Variants in COL5A2 observed in about 807,000 individuals in gnomAD.
The protein encoded by COL5A2 is collagen type V alpha 2 chain.
In COL5A2, 23 loss-of-function variants were observed where a neutral mutation model predicts 208.2. The ratio of observed to expected loss-of-function variants is 0.11; its 90% CI spans 0.08 to 0.16. COL5A2 has a LOEUF of 0.16. Among genes scored for constraint, COL5A2 ranks in the 10% least tolerant of loss-of-function variants. The pLI is 1.00. For synonymous variants in COL5A2, 625 were observed against 628.5 expected (o/e 0.99, Z 0.08); for missense variants, 1,590 against 1,956.4 (o/e 0.81, Z 3.53).
rs184961464 is a variant in COL5A2, at chr2:189,075,960, G to A, written c.1060-523C>T. 7.2e-5 allele frequency among the ~76,000 whole-genome samples: 11 copies of A among 152,236 alleles called. No homozygotes were observed. In the East Asian group the frequency reaches 2.1e-3, roughly 29 times the overall value. Reference sequence around the variant, plus strand: ...CCTAGGAATTGCCCTCAGCTAAAGGGAATTAGCTCTCTCAAGACTGTGCTC... The same window carrying A: ...CCTAGGAATTGCCCTCAGCTAAAGGAAATTAGCTCTCTCAAGACTGTGCTC... On this transcript the variant is annotated intron_variant, in intron 16 of 53. Coordinates refer to ENST00000374866, the MANE Select transcript of COL5A2 (RefSeq NM_000393.5).
chr2:189,414,803 C>CT, the COL5A2 span, among the ~76,000 whole-genome samples: 1 of 149,236 alleles, frequency 6.7e-6, no homozygotes, highest in Non-Finnish European at 1.5e-5. Flanking sequence ...GAGTCTTCTA[C>CT]TCCTCAATGA....
intron 17 of COL5A2, among the ~76,000 whole-genome samples, chr2:189,074,367 A>T (rs1309743847): frequency 6.6e-6 from 1 of 152,132 alleles, no homozygotes; most frequent in Non-Finnish European, 1.5e-5. Context: ...GTTACAGAGG[A>T]TTACCTATGA....
At chr2:189,049,214 A>G in intron 44 of COL5A2, 133 bp downstream of exon 44, 3 of 715,968 alleles carry the variant, frequency 4.2e-6, no homozygotes, top group Admixed American at 4.1e-5. Flanking sequence ...AGTAGAGTAC[A>G]TCAAATAACA....
chr2:189,074,675 C>A (rs1256877779), intron 17 of COL5A2, among the ~76,000 whole-genome samples: 3 of 152,206 alleles, frequency 2.0e-5, no homozygotes, highest in Non-Finnish European at 4.4e-5. Context: ...TTCTTTATTT[C>A]CAATTTCAGA....
rs1685363044 is a variant in COL5A2, at chr2:189,032,828, T to C, written c.*1242A>G. ...AACAGTTATGTTTTCACAATGGTAG[T>C]GATTAAACCATCTTTATTTTTAAGG... On this transcript the variant is annotated 3_prime_UTR_variant, in exon 54 of 54. Transcript: ENST00000374866. The C allele has an allele frequency of 6.6e-6, 1 of 152,626 alleles. No homozygotes were observed. Among genetic ancestry groups the C allele is most frequent in the African/African-American group, 2.4e-5 (1 of 41,466 alleles). 9.5% of individuals were successfully genotyped at this position (152,626 alleles called of 1,614,324 possible).
At chr2:189,082,669 C>T (rs995654085) in intron 12 of COL5A2, among the ~76,000 whole-genome samples, 7 of 152,210 alleles carry the variant, frequency 4.6e-5, no homozygotes, top group African/African-American at 1.7e-4. Context: ...CATAAAAATT[C>T]TCATTCTGCT....
chr2:189,265,224 C>A, the COL5A2 span, among the ~76,000 whole-genome samples: 2 of 151,864 alleles, frequency 1.3e-5, no homozygotes, highest in Non-Finnish European at 2.9e-5. Flanking sequence ...GAACAATCAG[C>A]AAAAGAAAAA....
chr2:189,128,054 G>A (rs1337447601), intron 1 of COL5A2, among the ~76,000 whole-genome samples: 1 of 151,938 alleles, frequency 6.6e-6, no homozygotes, highest in Admixed American at 6.6e-5. Context: ...ATATAATACT[G>A]CACAAATCCA....
intron 33 of COL5A2, among the ~76,000 whole-genome samples, chr2:189,058,068 G>A (rs1485627904): frequency 6.6e-6 from 1 of 152,114 alleles, no homozygotes; most frequent in African/African-American, 2.4e-5. Flanking sequence ...CAAGGAAAAT[G>A]GAGCATATTA....
the COL5A2 span, among the ~76,000 whole-genome samples, chr2:189,250,281 A>C: frequency 6.6e-6 from 1 of 152,214 alleles, no homozygotes; most frequent in East Asian, 1.9e-4. Flanking sequence ...TTACTACTAT[A>C]ACACCCCATT....
rs756189756 is a variant in COL5A2 at position 189,085,787 on chromosome 2, A to G, written c.691-15T>C. 6.2e-7 allele frequency: 1 copy of G among 1,605,462 alleles called. No homozygotes were observed. Among genetic ancestry groups the G allele is most frequent in the South Asian group, 1.1e-5 (1 of 90,886 alleles). The stretch of plus-strand genomic sequence containing the variant: ...CCTGCACCACCCTACAGTTGAAAAC[A>G]AAGTATATATACAAACCAAGGAAAA... On this transcript the variant is annotated splice_polypyrimidine_tract_variant and intron_variant, in intron 9 of 53. Transcript: ENST00000374866.
rs758244317 is a variant in COL5A2 at position 189,075,368 on chromosome 2, T to C, written c.1104+25A>G. The C allele has an allele frequency of 2.6e-6, 4 of 1,523,050 alleles. No individual in the cohort carries two copies. In the South Asian group the frequency reaches 3.4e-5, roughly 13 times the overall value. The allele number at this position is 1,523,050 out of a possible 1,614,324, so 94.3% of individuals were successfully genotyped here. On this transcript the variant is annotated intron_variant, in intron 17 of 53. Transcript: ENST00000374866. The stretch of plus-strand genomic sequence containing the variant: ...AAGAATGCATGAATAAATTAATGAA[T>C]TAATATGAAAATAATATAACTCACC...
chr2:189,045,198 G>T lies in COL5A2; in HGVS notation c.3344C>A (p.Ala1115Asp). Reference protein sequence around the residue: ...SRGPIGPPGRAGKRGLPGPQG... With the variant: ...SRGPIGPPGRDGKRGLPGPQG... Reference sequence around the variant, plus strand: ...ACTTACAGGTAATCCACGTTTCCCAGCTCGACCAGGTGGTCCTATAGGACC... The same window carrying T: ...ACTTACAGGTAATCCACGTTTCCCATCTCGACCAGGTGGTCCTATAGGACC... The change falls in exon 47 of 54, where the codon GCT (alanine) becomes GAT (aspartate). Residue 1115 changes from alanine to aspartate, a missense_variant. By Grantham distance (126) the Ala-to-Asp change is moderately radical (BLOSUM62 -2). Transcript: ENST00000374866. The T allele has an allele frequency of 1.9e-6, 3 of 1,605,872 alleles. No individual in the cohort carries two copies. Among genetic ancestry groups the T allele is most frequent in the African/African-American group, 1.3e-5 (1 of 74,514 alleles).
chr2:189,075,310 G>A, intron 17 of COL5A2, 83 bp downstream of exon 17: 1 of 976,600 alleles, frequency 1.0e-6, no homozygotes, highest in Non-Finnish European at 1.6e-6. Flanking sequence ...CATGTGGTGA[G>A]TGCTCTGTAA....
intron 5 of COL5A2, 55 bp downstream of exon 5, chr2:189,098,672 T>C: frequency 7.6e-7 from 1 of 1,321,008 alleles, no homozygotes; most frequent in South Asian, 1.2e-5. Context: ...CTGTAAAGAT[T>C]TTCAGTATCT....
At chr2:189,249,975 G>C in the COL5A2 span, among the ~76,000 whole-genome samples, 1 of 152,252 alleles carries the variant, frequency 6.6e-6, no homozygotes, top group Non-Finnish European at 1.5e-5. Flanking sequence ...TGGGATCATA[G>C]GCGTGAGCCA....
the COL5A2 span, among the ~76,000 whole-genome samples, chr2:189,332,819 A>G: frequency 1.3e-5 from 2 of 152,232 alleles, no homozygotes; most frequent in Non-Finnish European, 2.9e-5. Flanking sequence ...CCTGCTGAAA[A>G]GATACCCAAA....
intron 1 of COL5A2, among the ~76,000 whole-genome samples, chr2:189,122,283 A>T (rs1009843213): frequency 1.3e-5 from 2 of 152,176 alleles, no homozygotes; most frequent in Admixed American, 1.3e-4. Flanking sequence ...AAATTATCTG[A>T]GAAAGGGTGA....
rs1251519687 is a variant in COL5A2, at chr2:189,063,153, T to C, written c.1869+19A>G. On this transcript the variant is annotated intron_variant, in intron 27 of 53. Coordinates refer to ENST00000374866, the MANE Select transcript of COL5A2 (RefSeq NM_000393.5). ...GAGGATCATGATGAGGTGGCCAACA[T>C]ATTATACACTGTACTCACACTGCTA... is the stretch of plus-strand genomic sequence containing the variant. The C allele has an allele frequency of 1.2e-6, 2 of 1,612,448 alleles. No homozygotes were observed. The highest frequency in any genetic ancestry group is 1.7e-6 in the Non-Finnish European group (2 of 1,178,470).
Sources: allele counts gnomAD v4.1 joint callset (sites outside exome capture counted in the v4.1 genomes callset), GRCh38; gene constraint gnomAD v4.1.1; transcripts MANE v1.5; gene names NCBI Gene and HGNC (gene_info 2026-07-23, HGNC 2026-07-21).